Variants in CDH18 observed in about 807,000 individuals in gnomAD.
The protein encoded by CDH18 is cadherin-18.
In CDH18, 31 loss-of-function variants were observed where a neutral mutation model predicts 67.9. The observed-to-expected ratio is 0.46, with a 90% CI of 0.34 to 0.62. The LOEUF is 0.62. Ranked by LOEUF, CDH18 falls within the 20% of genes least tolerant of loss-of-function variation. The pLI is 0.01. For missense variants in CDH18, 890 were observed against 975.5 expected (o/e 0.91, Z 1.17); for synonymous variants, 362 against 347.2 (o/e 1.04, Z -0.48).
intron 11 of CDH18, among the ~76,000 whole-genome samples, chr5:19,497,071 T>A (rs961610853): frequency 6.6e-6 from 1 of 151,940 alleles, no homozygotes; most frequent in Non-Finnish European, 1.5e-5. Flanking sequence ...AAATTCTCTA[T>A]ATATCAAGAA....
intron 2 of CDH18, among the ~76,000 whole-genome samples, chr5:20,023,862 T>A (rs1738658040): frequency 6.6e-6 from 1 of 152,120 alleles, no homozygotes. Flanking sequence ...TTGCATATGA[T>A]CTAATCCCAA....
intron 2 of CDH18, among the ~76,000 whole-genome samples, chr5:19,952,848 G>A (rs1233507887): frequency 6.6e-6 from 1 of 152,082 alleles, no homozygotes; most frequent in Non-Finnish European, 1.5e-5. Context: ...ATAGTAAAAT[G>A]TAGTTATACA....
At chr5:20,566,526 A>ATTTTTTTTT (rs33950954) in intron 1 of CDH18, among the ~76,000 whole-genome samples, 507 of 97,256 alleles carry the variant, frequency 5.2e-3, no homozygotes, top group East Asian at 9.3e-3. Flanking sequence ...TGCCCAGCTA[A>ATTTTTTTTT]TTTTTTTTTT....
At chr5:19,741,197 T>C (rs1001411177) in intron 4 of CDH18, among the ~76,000 whole-genome samples, 1 of 149,526 alleles carries the variant, frequency 6.7e-6, no homozygotes, top group African/African-American at 2.5e-5. Context: ...TATGTATATA[T>C]GTATATATGT....
At chr5:20,198,023 C>A (rs1739124749) in intron 2 of CDH18, among the ~76,000 whole-genome samples, 1 of 152,132 alleles carries the variant, frequency 6.6e-6, no homozygotes, top group South Asian at 2.1e-4. Context: ...CATTCCCTCT[C>A]CTACCGCCCT....
chr5:20,023,455 C>T (rs1278126273), intron 2 of CDH18, among the ~76,000 whole-genome samples: 4 of 151,828 alleles, frequency 2.6e-5, no homozygotes, highest in East Asian at 1.9e-4. Flanking sequence ...GTCAGGAGAT[C>T]GAGACCATCC....
At chr5:19,669,833 A>G (rs1323280752) in intron 5 of CDH18, among the ~76,000 whole-genome samples, 1 of 152,152 alleles carries the variant, frequency 6.6e-6, no homozygotes, top group Non-Finnish European at 1.5e-5. Flanking sequence ...GCTTTTTACA[A>G]TTATATCAAA....
intron 2 of CDH18, among the ~76,000 whole-genome samples, chr5:19,996,394 G>T (rs1736022616): frequency 6.6e-6 from 1 of 151,926 alleles, no homozygotes; most frequent in African/African-American, 2.4e-5. Flanking sequence ...CCAAGTTTTT[G>T]ATATAAACAA....
chr5:19,800,342 G>T (rs1277523918), intron 3 of CDH18, among the ~76,000 whole-genome samples: 1 of 152,016 alleles, frequency 6.6e-6, no homozygotes, highest in Non-Finnish European at 1.5e-5. Context: ...ATAAACCTCT[G>T]CCAACAATTG....
At chr5:19,858,808 T>G (rs550314749) in intron 2 of CDH18, among the ~76,000 whole-genome samples, 1 of 152,214 alleles carries the variant, frequency 6.6e-6, no homozygotes, top group South Asian at 2.1e-4. Context: ...TATCACAAAA[T>G]GCAGAAAAAC....
At chr5:19,704,331 G>C (rs969358427) in intron 5 of CDH18, among the ~76,000 whole-genome samples, 1 of 152,114 alleles carries the variant, frequency 6.6e-6, no homozygotes, top group African/African-American at 2.4e-5. Flanking sequence ...GTATATCAAA[G>C]TAGTTATATT....
chr5:20,505,333 G>A (rs1251913216), intron 1 of CDH18, among the ~76,000 whole-genome samples: 1 of 152,072 alleles, frequency 6.6e-6, no homozygotes, highest in Non-Finnish European at 1.5e-5. Flanking sequence ...AAGTTAGAAA[G>A]GACAGTATAG....
At chr5:19,977,567 T>G (rs1798614555) in intron 2 of CDH18, among the ~76,000 whole-genome samples, 1 of 152,156 alleles carries the variant, frequency 6.6e-6, no homozygotes, top group African/African-American at 2.4e-5. Flanking sequence ...TACAACTGCT[T>G]TTAGAATCCT....
intron 5 of CDH18, among the ~76,000 whole-genome samples, chr5:19,658,853 C>T (rs1437006050): frequency 6.6e-6 from 1 of 151,938 alleles, no homozygotes; most frequent in Non-Finnish European, 1.5e-5. Flanking sequence ...CTTCCTGTGT[C>T]CATGTGTTCT....
chr5:20,291,793 G>A (rs1747124373), intron 1 of CDH18, among the ~76,000 whole-genome samples: 1 of 152,140 alleles, frequency 6.6e-6, no homozygotes, highest in Admixed American at 6.5e-5. Context: ...TACAAGAGTA[G>A]GTCCAAAGCA....
intron 11 of CDH18, 87 bp from the exon 12 acceptor site, chr5:19,483,639 T>A (rs767081524): frequency 1.5e-5 from 20 of 1,348,762 alleles, no homozygotes; most frequent in Non-Finnish European, 2.0e-5. Flanking sequence ...AATGGGGATG[T>A]GTATCTTTCT....
intron 3 of CDH18, among the ~76,000 whole-genome samples, chr5:19,809,547 A>G: frequency 6.6e-6 from 1 of 152,166 alleles, no homozygotes; most frequent in East Asian, 1.9e-4. Flanking sequence ...ATTAGACTAT[A>G]TACTCACCAG....
At position 19,888,133 on chromosome 5, in the gene CDH18, A is replaced by C. The variant is rs182920315; in HGVS notation, c.-256-48891T>G. Among the ~76,000 whole-genome samples, 3 of 152,260 alleles carry C rather than the reference A, an allele frequency of 2.0e-5. No homozygotes were observed. The East Asian group carries it at 5.8e-4, about 29-fold the overall frequency. ...GTTGCATTATAATTAGCTTTGATGT[A>C]AAATAGTGCTAGCCCTCTACCCTTT... On this transcript the variant is annotated intron_variant, in intron 2 of 12. Transcript: ENST00000382275.
chr5:20,229,005 G>A (rs1198407215), intron 2 of CDH18, among the ~76,000 whole-genome samples: 1 of 152,034 alleles, frequency 6.6e-6, no homozygotes, highest in African/African-American at 2.4e-5. Flanking sequence ...AGTTTCAGGT[G>A]TAGACTGATA....
Sources: allele counts gnomAD v4.1 joint callset (sites outside exome capture counted in the v4.1 genomes callset), GRCh38; gene constraint gnomAD v4.1.1; transcripts MANE v1.5; gene names NCBI Gene and HGNC (gene_info 2026-07-23, HGNC 2026-07-21).